The following FHOD3 variants were observed in gnomAD, a reference collection of about 807,000 sequenced individuals.
The protein encoded by FHOD3 is FH1/FH2 domain-containing protein 3.
In FHOD3, 90 loss-of-function variants were observed where a neutral mutation model predicts 173.0. The observed-to-expected ratio is 0.52, with a 90% confidence interval of 0.44 to 0.62. The LOEUF is 0.62. FHOD3 is among the 20% of genes least tolerant of loss of function. FHOD3 has a pLI of 0.00. For missense variants in FHOD3, 1,945 were observed against 2,034.7 expected, an observed-to-expected ratio of 0.96 and a Z score of 0.85; for synonymous variants, 828 against 823.0, an observed-to-expected ratio of 1.01 and a Z score of -0.10.
intron 3 of FHOD3, among the ~76,000 whole-genome samples, chr18:36,445,427 T>C (rs2051410061): frequency 6.6e-6 from 1 of 152,200 alleles, no homozygotes; most frequent in African/African-American, 2.4e-5. Flanking sequence ...AGGCATTTTA[T>C]TTAACCTCCC....
In FHOD3 at chr18:36,638,607, G is replaced by A. The variant is rs377586581; in HGVS notation, c.1197-10709G>A. On this transcript the variant is annotated intron_variant, in intron 10 of 28. Coordinates refer to ENST00000590592, the MANE Select transcript of FHOD3 (RefSeq NM_001281740.3). The stretch of plus-strand genomic sequence containing the variant: ...GGGAAACATTGATAACTTAGACCAG[G>A]GTAGTCTCAACCCTGCCAAGCATCT... Among the ~76,000 whole-genome samples the A allele has an allele frequency of 1.7e-4, 26 of 152,276 alleles. No individual in the cohort carries two copies. In the East Asian group the frequency reaches 4.8e-3, roughly 28 times the overall value.
chr18:36,618,013 C>G (rs764900555), intron 9 of FHOD3, among the ~76,000 whole-genome samples: 1 of 150,000 alleles, frequency 6.7e-6, no homozygotes, highest in Non-Finnish European at 1.5e-5. Context: ...AGTAATCTTC[C>G]TTTTGTTATT....
rs1446466304 is a variant in FHOD3, at chr18:36,780,097, C to G, written c.*567C>G. The G allele has an allele frequency of 1.6e-6, 2 of 1,218,998 alleles. No homozygotes were observed. Among genetic ancestry groups the G allele is most frequent in the East Asian group, 6.3e-5 (2 of 31,660 alleles). 75.5% of individuals were successfully genotyped at this position (1,218,998 alleles called of 1,614,324 possible). On this transcript the variant is annotated 3_prime_UTR_variant, in exon 29 of 29. Transcript: ENST00000590592. ...ATTCTTCTGGGAACAGGACCTTAAACAGTTCCACAGGCTCGCCTCTTCAGA... is the reference window on the plus strand; with the variant it reads ...ATTCTTCTGGGAACAGGACCTTAAAGAGTTCCACAGGCTCGCCTCTTCAGA...
chr18:36,603,321 G>GA (rs2031646699), intron 8 of FHOD3, among the ~76,000 whole-genome samples: 1 of 152,008 alleles, frequency 6.6e-6, no homozygotes, highest in African/African-American at 2.4e-5. Flanking sequence ...TGCAGTACGG[G>GA]AGAAAATCCT....
At chr18:36,362,613 G>A (rs2046687344) in intron 2 of FHOD3, among the ~76,000 whole-genome samples, 1 of 152,106 alleles carries the variant, frequency 6.6e-6, no homozygotes, top group African/African-American at 2.4e-5. Flanking sequence ...TGGAGGTCGT[G>A]TCCTGGAGGG....
chr18:36,406,101 T>A (rs1204414807), intron 3 of FHOD3, among the ~76,000 whole-genome samples: 1 of 151,668 alleles, frequency 6.6e-6, no homozygotes, highest in Admixed American at 6.6e-5. Flanking sequence ...TTTTGTTTTT[T>A]TGTTTTTGTT....
chr18:36,330,987 T>C (rs1298841066), intron 1 of FHOD3, among the ~76,000 whole-genome samples: 2 of 152,132 alleles, frequency 1.3e-5, no homozygotes, highest in Admixed American at 6.5e-5. Context: ...TCCTTGCTGC[T>C]CCCCAGGCGC....
chr18:36,705,434 C>A (rs772430234), intron 17 of FHOD3, among the ~76,000 whole-genome samples: 55 of 152,304 alleles, frequency 3.6e-4, no homozygotes, highest in African/African-American at 1.3e-3. Context: ...TGCCAAAGAC[C>A]CTTGCCATGC....
Position 36,520,110 on chromosome 18 carries a change from A to G in FHOD3, c.511+7567A>G, listed in dbSNP as rs543892534. 2.9e-4 allele frequency among the ~76,000 whole-genome samples: 44 copies of G among 151,958 alleles called. No individual in the cohort carries two copies. The South Asian group carries it at 7.1e-3, about 24-fold the overall frequency. On this transcript the variant is annotated intron_variant, in intron 5 of 28. Coordinates refer to ENST00000590592, the MANE Select transcript of FHOD3 (RefSeq NM_001281740.3). ...GTAGCTGGAACCATAGGCATGTACCACCATGGCTGGCTAATATTTTTTATT... is the reference window on the plus strand; with the variant it reads ...GTAGCTGGAACCATAGGCATGTACCGCCATGGCTGGCTAATATTTTTTATT...
At chr18:36,740,575 A>C (rs2041854386) in intron 20 of FHOD3, 81 bp from the exon 21 acceptor site, 1 of 1,306,822 alleles carries the variant, frequency 7.7e-7, no homozygotes. Flanking sequence ...GGAAAATTAT[A>C]ATATGAATTT....
intron 1 of FHOD3, among the ~76,000 whole-genome samples, chr18:36,355,198 A>G (rs1485404183): frequency 6.6e-6 from 1 of 152,178 alleles, no homozygotes; most frequent in Non-Finnish European, 1.5e-5. Context: ...TGGTCACAGC[A>G]GCATCGTGAT....
chr18:36,670,234 G>A (rs2037442803), intron 14 of FHOD3, among the ~76,000 whole-genome samples: 1 of 151,840 alleles, frequency 6.6e-6, no homozygotes, highest in Admixed American at 6.6e-5. Flanking sequence ...TGTTTCTTAC[G>A]CTTGGGACTT....
At chr18:36,681,861 A>C (rs1232315473) in intron 15 of FHOD3, among the ~76,000 whole-genome samples, 1 of 152,146 alleles carries the variant, frequency 6.6e-6, no homozygotes. Flanking sequence ...GATGACAGAG[A>C]GTGTAATTAT....
At chr18:36,315,742 G>A (rs979087525) in intron 1 of FHOD3, among the ~76,000 whole-genome samples, 9 of 152,168 alleles carry the variant, frequency 5.9e-5, no homozygotes, top group Non-Finnish European at 1.2e-4. Context: ...GGCTGGGGGA[G>A]AGGACCCCAG....
intron 5 of FHOD3, among the ~76,000 whole-genome samples, chr18:36,526,432 T>C (rs971227619): frequency 1.3e-5 from 2 of 152,126 alleles, no homozygotes; most frequent in African/African-American, 4.8e-5. Context: ...ATTCAGCTTT[T>C]TTTTTTCTTT....
chr18:36,485,786 G>A (rs2054162517), intron 3 of FHOD3, among the ~76,000 whole-genome samples: 1 of 152,144 alleles, frequency 6.6e-6, no homozygotes, highest in South Asian at 2.1e-4. Flanking sequence ...TATTCCAGAA[G>A]TCAGCCTGTG....
chr18:36,700,355 G>A (rs536885221), intron 17 of FHOD3, among the ~76,000 whole-genome samples: 2 of 152,142 alleles, frequency 1.3e-5, no homozygotes, highest in Admixed American at 6.5e-5. Context: ...GGAAGGTGAT[G>A]TCTATCTCTC....
rs985666164 is a variant in FHOD3 at position 36,567,310 on chromosome 18, G to A, written c.512-9141G>A. The stretch of plus-strand genomic sequence containing the variant: ...AGAAGGGAGGAAGAGATGGAGGAAG[G>A]GAAAAAGAAGAGAAAGGATTACAAA... On this transcript the variant is annotated intron_variant, in intron 5 of 28. Coordinates refer to ENST00000590592, the MANE Select transcript of FHOD3 (RefSeq NM_001281740.3). 3.9e-5 allele frequency among the ~76,000 whole-genome samples: 6 copies of A among 152,276 alleles called. No homozygotes were observed. In the East Asian group the frequency reaches 1.2e-3, roughly 29 times the overall value.
intron 24 of FHOD3, among the ~76,000 whole-genome samples, chr18:36,754,861 G>A (rs2042554479): frequency 6.6e-6 from 1 of 151,754 alleles, no homozygotes; most frequent in South Asian, 2.1e-4. Context: ...ATCTCCATCA[G>A]TGGGAAAGTG....
Sources: gnomAD v4.1 joint callset for allele counts (sites outside exome capture counted in the v4.1 genomes callset) on GRCh38, gnomAD v4.1.1 for gene constraint, MANE v1.5 for transcripts, NCBI Gene and HGNC (gene_info 2026-07-23, HGNC 2026-07-21) for gene names.